SLC5A4: variants seen among roughly 807,000 people sequenced by gnomAD.
SLC5A4 encodes the protein probable glucose sensor protein SLC5A4.
In SLC5A4, 55 loss-of-function variants were observed where a neutral mutation model predicts 70.3. The observed-to-expected ratio is 0.78, with a 90% CI of 0.63 to 0.98. SLC5A4 has a LOEUF of 0.98. SLC5A4 is among the 50% of genes least tolerant of loss of function. The pLI is 0.00. For missense variants in SLC5A4, 735 were observed against 839.2 expected (o/e 0.88, Z 1.53); for synonymous variants, 268 against 305.7 (o/e 0.88, Z 1.29).
the SLC5A4 span, among the ~76,000 whole-genome samples, chr22:32,287,922 T>C: frequency 2.6e-5 from 4 of 151,666 alleles, no homozygotes; most frequent in Non-Finnish European, 5.9e-5. Flanking sequence ...AATATGTCTC[T>C]TCTAGTTTAG....
chr22:32,322,083 G>A, the SLC5A4 span, among the ~76,000 whole-genome samples: 1 of 152,200 alleles, frequency 6.6e-6, no homozygotes, highest in South Asian at 2.1e-4. Context: ...ACCCATCACA[G>A]CCACTGATGT....
the SLC5A4 span, among the ~76,000 whole-genome samples, chr22:32,275,467 G>A: frequency 7.2e-5 from 11 of 152,240 alleles, no homozygotes; most frequent in Admixed American, 3.3e-4. Flanking sequence ...AACATGCGGT[G>A]TTTGGTTTTT....
chr22:32,282,336 T>A, the SLC5A4 span, among the ~76,000 whole-genome samples: 3 of 152,272 alleles, frequency 2.0e-5, no homozygotes, highest in African/African-American at 7.2e-5. Context: ...AGCCACCCAC[T>A]GAGTCTGACT....
the SLC5A4 span, among the ~76,000 whole-genome samples, chr22:32,308,058 T>C: frequency 6.6e-6 from 1 of 151,994 alleles, no homozygotes; most frequent in South Asian, 2.1e-4. Context: ...AGGTCTGTTA[T>C]TCCTTCCTTC....
chr22:32,250,227 A>T (rs1013274535), intron 3 of SLC5A4, among the ~76,000 whole-genome samples: 5 of 152,214 alleles, frequency 3.3e-5, no homozygotes, highest in African/African-American at 2.4e-5. Flanking sequence ...AGGTCAAACA[A>T]GAGGTGGAGG....
chr22:32,289,625 T>C, the SLC5A4 span, among the ~76,000 whole-genome samples: 1 of 152,224 alleles, frequency 6.6e-6, no homozygotes, highest in Non-Finnish European at 1.5e-5. Context: ...TGTGCCACCA[T>C]GTGCCACCTT....
chr22:32,340,427 C>A, the SLC5A4 span, among the ~76,000 whole-genome samples: 101 of 152,310 alleles, frequency 6.6e-4, no homozygotes, highest in African/African-American at 2.4e-3. Flanking sequence ...CAGCTGAGCA[C>A]AAGAAACACC....
chr22:32,230,913 C>T lies in SLC5A4; in HGVS notation c.1129+55G>A, dbSNP rs1925712921. 15 of 1,067,770 alleles carry T rather than the reference C, an allele frequency of 1.4e-5. 1 individual carries two copies. The highest frequency in any genetic ancestry group is 6.4e-5 in the South Asian group (5 of 78,484). The allele number at this position is 1,067,770 out of a possible 1,614,324, so 66.1% of individuals were successfully genotyped here. A position where few individuals can be genotyped will look rare whatever the true frequency, so the allele number is the denominator to read the frequency against. ...CAAGAATTGCACCATAACCCTTCCT[C>T]GAGGCCCGTCTTAGACAGGCCTCTG... On this transcript the variant is annotated intron_variant, in intron 10 of 14. Coordinates refer to ENST00000266086, the MANE Select transcript of SLC5A4 (RefSeq NM_014227.3).
chr22:32,231,305 C>A (rs746962697), intron 9 of SLC5A4, among the ~76,000 whole-genome samples: 3 of 152,148 alleles, frequency 2.0e-5, no homozygotes, highest in East Asian at 3.8e-4. Flanking sequence ...TAGGGGCTCC[C>A]TTGGGACGTG....
At chr22:32,260,154 G>C (rs536558087), upstream of SLC5A4, among the ~76,000 whole-genome samples, 1 of 152,260 alleles carries the variant, frequency 6.6e-6, no homozygotes, top group African/African-American at 2.4e-5. Flanking sequence ...ACAGGGTTAA[G>C]GCCTCTCCAG....
intron 10 of SLC5A4, among the ~76,000 whole-genome samples, chr22:32,230,251 G>A (rs555785359): frequency 6.6e-6 from 1 of 152,234 alleles, no homozygotes; most frequent in South Asian, 2.1e-4. Context: ...GGAGGAAGGT[G>A]GAAGAAATGT....
At chr22:32,221,320 C>G (rs1171278173) in intron 13 of SLC5A4, among the ~76,000 whole-genome samples, 1 of 152,228 alleles carries the variant, frequency 6.6e-6, no homozygotes, top group African/African-American at 2.4e-5. Context: ...CTAACCTACA[C>G]TATACCCCAG....
the SLC5A4 span, among the ~76,000 whole-genome samples, chr22:32,330,723 T>C: frequency 1.0e-5 from 1 of 97,120 alleles, no homozygotes; most frequent in Non-Finnish European, 1.9e-5. Flanking sequence ...GGGGCTCTGG[T>C]GTGTATGTTG....
At chr22:32,344,688 G>A in the SLC5A4 span, among the ~76,000 whole-genome samples, 2 of 152,100 alleles carry the variant, frequency 1.3e-5, no homozygotes, top group African/African-American at 4.8e-5. Flanking sequence ...ATTTCATGCA[G>A]ACATGAAGCT....
the SLC5A4 span, among the ~76,000 whole-genome samples, chr22:32,345,127 T>G: frequency 6.6e-6 from 1 of 152,112 alleles, no homozygotes; most frequent in Admixed American, 6.6e-5. Flanking sequence ...AGAAAAAAAG[T>G]GAGGCAAATT....
chr22:32,328,366 GATAGA>G, the SLC5A4 span, among the ~76,000 whole-genome samples: 2 of 152,098 alleles, frequency 1.3e-5, no homozygotes, highest in African/African-American at 2.4e-5. Flanking sequence ...GTAACAAATG[GATAGA>G]ATAGAAGTGA....
At chr22:32,310,748 C>G in the SLC5A4 span, among the ~76,000 whole-genome samples, 2 of 152,256 alleles carry the variant, frequency 1.3e-5, no homozygotes, top group African/African-American at 4.8e-5. Flanking sequence ...TCTGTCTTCT[C>G]ATCCATAAAA....
chr22:32,318,167 T>C, the SLC5A4 span, among the ~76,000 whole-genome samples: 7 of 151,676 alleles, frequency 4.6e-5, no homozygotes, highest in African/African-American at 1.7e-4. Flanking sequence ...CCTGACCTCC[T>C]CTTCACTCTT....
the SLC5A4 span, among the ~76,000 whole-genome samples, chr22:32,318,627 T>C: frequency 6.6e-6 from 1 of 152,174 alleles, no homozygotes; most frequent in Admixed American, 6.5e-5. Context: ...CCACTCCTAC[T>C]GTGGTCCACA....
Sources: allele counts gnomAD v4.1 joint callset (sites outside exome capture counted in the v4.1 genomes callset), GRCh38; gene constraint gnomAD v4.1.1; transcripts MANE v1.5; gene names NCBI Gene and HGNC (gene_info 2026-07-23, HGNC 2026-07-21).